PPFIA2: variants seen among roughly 807,000 people sequenced by gnomAD.
The protein encoded by PPFIA2 is liprin-alpha-2.
In PPFIA2, 46 loss-of-function variants were observed where a neutral mutation model predicts 175.5. That is an observed-to-expected ratio of 0.26 (90% CI 0.21 to 0.34). The LOEUF is 0.34. Among genes scored for constraint, PPFIA2 ranks in the 10% least tolerant of loss-of-function variants. The pLI is 1.00. For synonymous variants in PPFIA2, 568 were observed against 511.4 expected, an observed-to-expected ratio of 1.11 and a Z score of -1.49; for missense variants, 1,179 against 1,506.1, an observed-to-expected ratio of 0.78 and a Z score of 3.60.
intron 11 of PPFIA2, 131 bp from the exon 12 acceptor site, chr12:81,369,325 T>G: frequency 6.6e-7 from 1 of 1,509,276 alleles, no homozygotes; most frequent in Non-Finnish European, 8.9e-7. Flanking sequence ...ATAAACTTTC[T>G]TCAAACAGGC....
At chr12:81,275,405 G>T (rs371085897) in intron 28 of PPFIA2, among the ~76,000 whole-genome samples, 1 of 152,124 alleles carries the variant, frequency 6.6e-6, no homozygotes, top group Non-Finnish European at 1.5e-5. Context: ...ATTCAAGCCC[G>T]TTCCATTAGA....
At chr12:81,726,022 C>G (rs2080029295) in intron 3 of PPFIA2, among the ~76,000 whole-genome samples, 1 of 151,078 alleles carries the variant, frequency 6.6e-6, no homozygotes, top group Non-Finnish European at 1.5e-5. Flanking sequence ...TATTCACTTT[C>G]AATGGATGCC....
intron 4 of PPFIA2, among the ~76,000 whole-genome samples, chr12:81,501,092 A>G (rs2060548329): frequency 6.6e-6 from 1 of 152,196 alleles, no homozygotes; most frequent in Admixed American, 6.6e-5. Context: ...CCTCACTCAC[A>G]GTAAAAGCCA....
intron 20 of PPFIA2, among the ~76,000 whole-genome samples, chr12:81,339,656 T>A (rs2057727672): frequency 6.6e-6 from 1 of 152,098 alleles, no homozygotes; most frequent in Non-Finnish European, 1.5e-5. Context: ...TATGGAGCAC[T>A]TGATCCATTG....
chr12:81,398,692 T>C (rs896373699), intron 8 of PPFIA2, among the ~76,000 whole-genome samples: 9 of 152,092 alleles, frequency 5.9e-5, no homozygotes, highest in African/African-American at 1.7e-4. Context: ...CCAGACAAGT[T>C]TGAAAAACAA....
chr12:81,629,010 G>A (rs923967564), intron 4 of PPFIA2, among the ~76,000 whole-genome samples: 6 of 152,084 alleles, frequency 3.9e-5, no homozygotes, highest in Non-Finnish European at 7.4e-5. Flanking sequence ...ACACTGCCCT[G>A]GGTAATCTAA....
At chr12:81,595,575 A>T (rs1481716664) in intron 4 of PPFIA2, among the ~76,000 whole-genome samples, 1 of 152,114 alleles carries the variant, frequency 6.6e-6, no homozygotes, top group East Asian at 1.9e-4. Flanking sequence ...TTCACACATA[A>T]GGGAATTAGC....
At chr12:81,484,847 T>C (rs988496508) in intron 4 of PPFIA2, among the ~76,000 whole-genome samples, 3 of 151,952 alleles carry the variant, frequency 2.0e-5, no homozygotes, top group African/African-American at 7.2e-5. Flanking sequence ...ATTTTGGAGA[T>C]GAAATTTAAC....
chr12:81,605,693 A>ATCTATCTC (rs55909659), intron 4 of PPFIA2, among the ~76,000 whole-genome samples: 1,738 of 145,640 alleles, frequency 0.012, 20 homozygotes, highest in Middle Eastern at 0.028. Context: ...CTATCTATCT[A>ATCTATCTC]ATCTGTCTAT....
intron 4 of PPFIA2, among the ~76,000 whole-genome samples, chr12:81,666,018 C>G (rs919442260): frequency 6.6e-6 from 1 of 152,120 alleles, no homozygotes; most frequent in Non-Finnish European, 1.5e-5. Flanking sequence ...AAATGCTCAT[C>G]ATCACTGGCC....
At chr12:81,741,819 T>A (rs951644243) in intron 3 of PPFIA2, among the ~76,000 whole-genome samples, 2 of 152,102 alleles carry the variant, frequency 1.3e-5, no homozygotes, top group Non-Finnish European at 2.9e-5. Flanking sequence ...AAATAAAATA[T>A]ACACTATACT....
intron 3 of PPFIA2, among the ~76,000 whole-genome samples, chr12:81,695,652 A>G (rs966653331): frequency 6.6e-6 from 1 of 152,214 alleles, no homozygotes; most frequent in Non-Finnish European, 1.5e-5. Context: ...TTTTAAAAAA[A>G]CAATATAAAT....
chr12:81,593,322 G>C (rs116143561), intron 4 of PPFIA2, among the ~76,000 whole-genome samples: 207 of 152,164 alleles, frequency 1.4e-3, no homozygotes, highest in African/African-American at 4.8e-3. Flanking sequence ...TCATGTATCT[G>C]TTACATATTT....
At chr12:81,645,576 A>G (rs1340475496) in intron 4 of PPFIA2, among the ~76,000 whole-genome samples, 1 of 152,238 alleles carries the variant, frequency 6.6e-6, no homozygotes, top group African/African-American at 2.4e-5. Context: ...TCTGAAAAGT[A>G]TTATTTTTTT....
chr12:81,438,453 T>C (rs958767155), intron 7 of PPFIA2, among the ~76,000 whole-genome samples: 4 of 152,008 alleles, frequency 2.6e-5, no homozygotes, highest in Non-Finnish European at 4.4e-5. Context: ...GCCTGGGTGA[T>C]AGAGCAAGAC....
intron 4 of PPFIA2, among the ~76,000 whole-genome samples, chr12:81,653,672 A>C (rs560649127): frequency 1.3e-5 from 2 of 152,174 alleles, no homozygotes; most frequent in South Asian, 4.1e-4. Context: ...CATATTACCA[A>C]ATAAGGTCAC....
intron 4 of PPFIA2, among the ~76,000 whole-genome samples, chr12:81,646,502 A>G (rs957633585): frequency 5.3e-5 from 8 of 152,314 alleles, no homozygotes; most frequent in Non-Finnish European, 4.4e-5. Context: ...GTCTATTGCT[A>G]GGGAAGGCAC....
chr12:81,381,202 A>G (rs1043847899), intron 9 of PPFIA2, among the ~76,000 whole-genome samples: 1 of 152,040 alleles, frequency 6.6e-6, no homozygotes, highest in Non-Finnish European at 1.5e-5. Flanking sequence ...TTCTCAGGAA[A>G]CTCTTCTAAA....
At chr12:81,594,278 T>C (rs920331741) in intron 4 of PPFIA2, among the ~76,000 whole-genome samples, 2 of 152,180 alleles carry the variant, frequency 1.3e-5, no homozygotes, top group African/African-American at 4.8e-5. Flanking sequence ...AGGAGGTTAC[T>C]ATGTTTCCAA....
Sources: gnomAD v4.1 joint callset for allele counts (sites outside exome capture counted in the v4.1 genomes callset) on GRCh38, gnomAD v4.1.1 for gene constraint, MANE v1.5 for transcripts, NCBI Gene and HGNC (gene_info 2026-07-23, HGNC 2026-07-21) for gene names.